The following KIAA1217 variants were observed in gnomAD, a reference collection of about 807,000 sequenced individuals.
KIAA1217 encodes sickle tail protein homolog.
A neutral mutation model predicts 163.9 loss-of-function variants in KIAA1217; 88 were observed. The observed-to-expected ratio is 0.54, with a 90% CI of 0.45 to 0.64. The LOEUF is 0.64. KIAA1217 is among the 30% of genes least tolerant of loss of function. The pLI is 0.00. For missense variants in KIAA1217, 2,372 were observed against 2,475.0 expected, an observed-to-expected ratio of 0.96 and a Z score of 0.88; for synonymous variants, 903 against 923.1, an observed-to-expected ratio of 0.98 and a Z score of 0.39.
At chr10:24,003,308 G>A (rs771205316) in intron 1 of KIAA1217, among the ~76,000 whole-genome samples, 12 of 152,002 alleles carry the variant, frequency 7.9e-5, no homozygotes, top group Non-Finnish European at 1.5e-5. Flanking sequence ...CGACATCCAC[G>A]CCAACATCTA....
intron 1 of KIAA1217, among the ~76,000 whole-genome samples, chr10:23,801,715 C>A (rs1461166993): frequency 6.6e-6 from 1 of 152,102 alleles, no homozygotes; most frequent in South Asian, 2.1e-4. Flanking sequence ...CTGTTATTAT[C>A]CCCCTATTAA....
chr10:24,222,202 A>G (rs539862235), intron 2 of KIAA1217, among the ~76,000 whole-genome samples: 2 of 152,324 alleles, frequency 1.3e-5, no homozygotes, highest in East Asian at 3.9e-4. Flanking sequence ...TGGTGTTCTC[A>G]AGCTCTGATC....
intron 2 of KIAA1217, among the ~76,000 whole-genome samples, chr10:24,028,395 A>G (rs1365962946): frequency 6.6e-6 from 1 of 152,180 alleles, no homozygotes; most frequent in East Asian, 1.9e-4. Context: ...ATACATACAT[A>G]AATCTCAAAA....
rs568840786 is a variant in KIAA1217 at position 23,992,514 on chromosome 10, G to C, written c.-320-14711G>C. 3.3e-5 allele frequency among the ~76,000 whole-genome samples: 5 copies of C among 152,088 alleles called. No individual in the cohort carries two copies. The South Asian group carries it at 1.0e-3, about 32-fold the overall frequency. On this transcript the variant is annotated intron_variant, in intron 1 of 18. Transcript: ENST00000376462. ...ATCATTTAGAATATGCTCATGTCCT[G>C]ATTTGAGGTTGAAGACCCCCCAGGA...
intron 11 of KIAA1217, 108 bp from the exon 12 acceptor site, chr10:24,521,674 C>T (rs3818674): frequency 0.12 from 160,175 of 1,338,834 alleles, 12,253 homozygotes; most frequent in East Asian, 0.38. Flanking sequence ...TGTGAGCCAC[C>T]CTGTGGCTTG....
intron 2 of KIAA1217, among the ~76,000 whole-genome samples, chr10:24,286,846 A>C (rs900858463): frequency 1.3e-5 from 2 of 152,088 alleles, no homozygotes; most frequent in African/African-American, 4.8e-5. Context: ...AAACAAAAAT[A>C]CCCACACCCT....
chr10:23,724,660 G>A (rs1838038452), intron 1 of KIAA1217, among the ~76,000 whole-genome samples: 1 of 152,126 alleles, frequency 6.6e-6, no homozygotes, highest in African/African-American at 2.4e-5. Context: ...AGAGAATGAA[G>A]GATTAATTCT....
At chr10:23,860,850 T>C (rs1254342411) in intron 1 of KIAA1217, among the ~76,000 whole-genome samples, 1 of 152,046 alleles carries the variant, frequency 6.6e-6, no homozygotes, top group Non-Finnish European at 1.5e-5. Context: ...TCTTTTTTTC[T>C]ATTTTGTTTT....
chr10:23,947,133 T>C (rs905814309), intron 1 of KIAA1217, among the ~76,000 whole-genome samples: 1 of 152,194 alleles, frequency 6.6e-6, no homozygotes, highest in African/African-American at 2.4e-5. Context: ...TGCTGAACTG[T>C]GAATCAGTTA....
Position 23,775,553 on chromosome 10 carries a change from C to G in KIAA1217, c.-321+80319C>G, listed in dbSNP as rs569621757. Reference sequence around the variant, plus strand: ...CCTGGACCTTTGTCACTCCTCCGTCCCCAAGTCACACACGTCTGTTGTAGC... The same window carrying G: ...CCTGGACCTTTGTCACTCCTCCGTCGCCAAGTCACACACGTCTGTTGTAGC... On this transcript the variant is annotated intron_variant, in intron 1 of 18. Coordinates refer to the KIAA1217 transcript ENST00000376462. 5.3e-5 allele frequency among the ~76,000 whole-genome samples: 8 copies of G among 152,212 alleles called. No individual in the cohort carries two copies. In the East Asian group the frequency reaches 7.7e-4, roughly 15 times the overall value.
At chr10:24,479,120 T>C (rs1333762977) in intron 6 of KIAA1217, among the ~76,000 whole-genome samples, 1 of 152,236 alleles carries the variant, frequency 6.6e-6, no homozygotes, top group Non-Finnish European at 1.5e-5. Flanking sequence ...TCTATTATGA[T>C]TTTTGAGGCA....
At chr10:24,407,257 CGTGTGTGTGTGT>C (rs10545826) in intron 3 of KIAA1217, among the ~76,000 whole-genome samples, 20 of 147,818 alleles carry the variant, frequency 1.4e-4, no homozygotes, top group African/African-American at 4.9e-4. Flanking sequence ...GATGAAGATA[CGTGTGTGTGTGT>C]GTGTGTGTGT....
rs534623187 is a variant in KIAA1217, at chr10:24,489,108, C to T, written c.1680-5392C>T. 4.3e-4 allele frequency among the ~76,000 whole-genome samples: 66 copies of T among 152,078 alleles called. 1 individual carries two copies. In the South Asian group the frequency reaches 0.012, roughly 27 times the overall value. On this transcript the variant is annotated intron_variant, in intron 6 of 20. Transcript: ENST00000376454. ...AAAATTTAGAACTAGAAGCAAATGG[C>T]GGAACCACCTAGTAGGGACTCTCAG... is the stretch of plus-strand genomic sequence containing the variant.
chr10:23,923,660 C>T (rs755114112), intron 1 of KIAA1217, among the ~76,000 whole-genome samples: 7 of 152,054 alleles, frequency 4.6e-5, no homozygotes, highest in Non-Finnish European at 1.0e-4. Flanking sequence ...CCACTAAAAG[C>T]TTAAAAAGGC....
chr10:23,924,246 G>A (rs1842945621), intron 1 of KIAA1217, among the ~76,000 whole-genome samples: 1 of 151,544 alleles, frequency 6.6e-6, no homozygotes, highest in Admixed American at 6.6e-5. Context: ...GCAGCAATGG[G>A]AAACTAAGAT....
At chr10:23,903,555 A>G (rs1198947901) in intron 1 of KIAA1217, among the ~76,000 whole-genome samples, 1 of 152,152 alleles carries the variant, frequency 6.6e-6, no homozygotes, top group Non-Finnish European at 1.5e-5. Flanking sequence ...TCTAATGGTC[A>G]TAAACTGAGG....
At chr10:24,271,362 C>T (rs913240701) in intron 2 of KIAA1217, among the ~76,000 whole-genome samples, 1 of 152,156 alleles carries the variant, frequency 6.6e-6, no homozygotes, top group African/African-American at 2.4e-5. Flanking sequence ...AACATGCTAT[C>T]TGAATCTTGA....
At chr10:24,293,969 G>A (rs865909961) in intron 2 of KIAA1217, among the ~76,000 whole-genome samples, 2 of 152,088 alleles carry the variant, frequency 1.3e-5, no homozygotes, top group Non-Finnish European at 2.9e-5. Context: ...CAAGGCGGGC[G>A]GATCACGAGG....
intron 1 of KIAA1217, among the ~76,000 whole-genome samples, chr10:23,738,540 G>T (rs1287453806): frequency 2.0e-5 from 3 of 151,780 alleles, no homozygotes; most frequent in Non-Finnish European, 4.4e-5. Context: ...TCATTTTCTT[G>T]TATCTTTTTC....
Sources: allele counts gnomAD v4.1 joint callset (sites outside exome capture counted in the v4.1 genomes callset), GRCh38; gene constraint gnomAD v4.1.1; transcripts MANE v1.5; gene names NCBI Gene and HGNC (gene_info 2026-07-23, HGNC 2026-07-21).